Variants in SEMA4F observed in about 807,000 individuals in gnomAD.
SEMA4F encodes the protein semaphorin-4F.
In SEMA4F, 51 loss-of-function variants were observed where a neutral mutation model predicts 78.4. That is an observed-to-expected ratio of 0.65 (90% CI 0.52 to 0.82). SEMA4F has a LOEUF of 0.82. SEMA4F is among the 40% of genes least tolerant of loss of function. SEMA4F has a pLI of 0.00. For synonymous variants in SEMA4F, 418 were observed against 408.7 expected, an observed-to-expected ratio of 1.02 and a Z score of -0.27; for missense variants, 938 against 1,014.4, an observed-to-expected ratio of 0.92 and a Z score of 1.02.
Position 74,658,017 on chromosome 2 carries a change from G to T in SEMA4F, c.456+66G>T, listed in dbSNP as rs187058108. Reference sequence around the variant, plus strand: ...CCAGTGTGAGTTACTTGGGGTGGTGGTGGGAGGATGGGAAGGGTTTTCTGT... The same window carrying T: ...CCAGTGTGAGTTACTTGGGGTGGTGTTGGGAGGATGGGAAGGGTTTTCTGT... On this transcript the variant is annotated intron_variant, in intron 4 of 13. Transcript: ENST00000357877. This position sits in a 1 kb window ranked among gnomAD's most constrained non-coding sequence, Gnocchi z 4.3. The T allele has an allele frequency of 1.0e-4, 147 of 1,442,486 alleles. No homozygotes were observed. The African/African-American group carries it at 1.7e-3, about 17-fold the overall frequency. The allele number at this position is 1,442,486 out of a possible 1,614,324, so 89.4% of individuals were successfully genotyped here. A position where few individuals can be genotyped will look rare whatever the true frequency, so the allele number is the denominator to read the frequency against.
At chr2:74,655,932 T>G (rs1006573333) in intron 1 of SEMA4F, among the ~76,000 whole-genome samples, 1 of 152,124 alleles carries the variant, frequency 6.6e-6, no homozygotes, top group African/African-American at 2.4e-5. Context: ...AACCAGAGGT[T>G]GAGCTAGGAA....
Position 74,674,488 on chromosome 2 carries a change from G to A in SEMA4F, c.823-10G>A. On this transcript the variant is annotated splice_polypyrimidine_tract_variant and intron_variant, in intron 7 of 13. Transcript: ENST00000357877. ...TCTAAAGAGAACCTCCCATGTGTTT[G>A]TCACCCCAGGGGGACCTCGGGGGCC... The A allele has an allele frequency of 6.2e-7, 1 of 1,603,742 alleles. No individual in the cohort carries two copies. The highest frequency in any genetic ancestry group is 8.5e-7 in the Non-Finnish European group (1 of 1,175,158).
chr2:74,669,609 C>CAAT (rs1441992499), intron 5 of SEMA4F, among the ~76,000 whole-genome samples: 2 of 151,534 alleles, frequency 1.3e-5, no homozygotes, highest in African/African-American at 4.8e-5. Context: ...ACAACAACAA[C>CAAT]AACAACAAAA....
intron 13 of SEMA4F, 25 bp downstream of exon 13, chr2:74,679,359 G>A (rs1307549035): frequency 1.3e-5 from 20 of 1,582,250 alleles, no homozygotes; most frequent in Non-Finnish European, 1.7e-5. Flanking sequence ...TATGGATTAG[G>A]GAAATGTGGG....
chr2:74,704,287 ACC>A, the SEMA4F span, among the ~76,000 whole-genome samples: 2 of 149,620 alleles, frequency 1.3e-5, no homozygotes, highest in Non-Finnish European at 3.0e-5. Context: ...CTAGAGTCTT[ACC>A]TCTATTTTCT....
intron 4 of SEMA4F, among the ~76,000 whole-genome samples, chr2:74,662,361 G>A (rs538112528): frequency 6.6e-6 from 1 of 152,256 alleles, no homozygotes; most frequent in Non-Finnish European, 1.5e-5. Flanking sequence ...TTGTCATGTA[G>A]CATATTCTCC....
intron 2 of SEMA4F, among the ~76,000 whole-genome samples, chr2:74,657,250 G>T (rs1259808946): frequency 1.3e-5 from 2 of 152,146 alleles, no homozygotes; most frequent in Non-Finnish European, 2.9e-5. Context: ...TTCAGATAAG[G>T]GATGCTCAGT....
chr2:74,659,434 G>A (rs775812925), intron 4 of SEMA4F, among the ~76,000 whole-genome samples: 14 of 152,150 alleles, frequency 9.2e-5, no homozygotes, highest in Non-Finnish European at 1.8e-4. Context: ...GGACATACCT[G>A]TCAGGATTGG....
At chr2:74,698,776 A>G in the SEMA4F span, among the ~76,000 whole-genome samples, 1 of 152,044 alleles carries the variant, frequency 6.6e-6, no homozygotes, top group South Asian at 2.1e-4. Context: ...AACGTATTCA[A>G]TTTCTTCTCT....
intron 4 of SEMA4F, among the ~76,000 whole-genome samples, chr2:74,661,209 CATT>C (rs1326852052): frequency 6.6e-6 from 1 of 152,184 alleles, no homozygotes; most frequent in Non-Finnish European, 1.5e-5. Flanking sequence ...GCATAGAAAA[CATT>C]ATTTGTCTTC....
intron 5 of SEMA4F, among the ~76,000 whole-genome samples, chr2:74,665,458 T>A (rs1028774326): frequency 6.6e-6 from 1 of 152,106 alleles, no homozygotes; most frequent in Admixed American, 6.6e-5. Context: ...CTCAATCTCC[T>A]GACCTCGTGA....
the SEMA4F span, among the ~76,000 whole-genome samples, chr2:74,700,093 A>T: frequency 6.6e-6 from 1 of 152,144 alleles, no homozygotes; most frequent in African/African-American, 2.4e-5. Context: ...CACGGCTGAC[A>T]TGGTCTTGAG....
At chr2:74,659,694 C>A (rs1331914562) in intron 4 of SEMA4F, among the ~76,000 whole-genome samples, 1 of 152,186 alleles carries the variant, frequency 6.6e-6, no homozygotes, top group Non-Finnish European at 1.5e-5. Flanking sequence ...TGAAAGTTCT[C>A]TTCTGCCTTA....
chr2:74,669,810 T>C (rs1165510786), intron 5 of SEMA4F, among the ~76,000 whole-genome samples: 1 of 152,178 alleles, frequency 6.6e-6, no homozygotes, highest in African/African-American at 2.4e-5. Context: ...ATAATTATGA[T>C]TTTTCTTTGG....
chr2:74,686,322 A>G (rs1352988193), downstream of SEMA4F, among the ~76,000 whole-genome samples: 2 of 152,130 alleles, frequency 1.3e-5, no homozygotes, highest in Admixed American at 6.5e-5. Flanking sequence ...GATGGTCTCA[A>G]TCTCCTGACC....
chr2:74,657,922 T>G lies in SEMA4F; in HGVS notation c.427T>G (p.Phe143Val), dbSNP rs1220595585. The G allele has an allele frequency of 1.2e-6, 2 of 1,614,106 alleles. No homozygotes were observed. Among genetic ancestry groups the G allele is most frequent in the African/African-American group, 1.3e-5 (1 of 74,946 alleles). ...CTCTCACCTCCTCACTTGTGGCACC[T>G]TCGCTTTTGATCCGAAGTGCGGGGT... ...NASHLLTCGT[F>V]AFDPKCGVID... Residue 143 changes from phenylalanine to valine, a missense_variant, in exon 4 of 14, where the codon TTC (phenylalanine) becomes GTC (valine). Transcript: ENST00000357877.
At position 74,679,688 on chromosome 2, in the gene SEMA4F, T is replaced by A; in HGVS notation, c.1792T>A (p.Trp598Arg). The A allele has an allele frequency of 6.2e-7, 1 of 1,614,010 alleles. No homozygotes were observed. The highest frequency in any genetic ancestry group is 8.5e-7 in the Non-Finnish European group (1 of 1,180,008). The change falls in exon 14 of 14, where the codon TGG becomes AGG. Residue 598 changes from tryptophan (W) to arginine (R), a missense_variant. Trp to Arg is a moderately radical substitution (Grantham distance 101). Coordinates refer to ENST00000357877, the MANE Select transcript of SEMA4F (RefSeq NM_004263.5). Reference sequence around the variant, plus strand: ...AAGCTCAGCATGGGCATCCTGTGTGTGGCACCAGCCCAGTGGAGTGACTGC... The same window carrying A: ...AAGCTCAGCATGGGCATCCTGTGTGAGGCACCAGCCCAGTGGAGTGACTGC... ...SPSSAWASCV[W>R]HQPSGVTALT...
At chr2:74,675,079 C>T in intron 9 of SEMA4F, 44 bp downstream of exon 9, 1 of 1,613,596 alleles carries the variant, frequency 6.2e-7, no homozygotes, top group Admixed American at 1.7e-5. Flanking sequence ...TCAAGAGCTG[C>T]TATTAAGGCA....
the SEMA4F span, among the ~76,000 whole-genome samples, chr2:74,700,236 G>C: frequency 1.3e-5 from 2 of 152,324 alleles, no homozygotes; most frequent in African/African-American, 2.4e-5. Flanking sequence ...CTGAAAGAAT[G>C]TAGGGGTAGG....
Sources: allele counts gnomAD v4.1 joint callset (sites outside exome capture counted in the v4.1 genomes callset), GRCh38; gene constraint gnomAD v4.1.1; non-coding constraint Gnocchi (gnomAD v3.1); transcripts MANE v1.5; gene names NCBI Gene and HGNC (gene_info 2026-07-23, HGNC 2026-07-21).